ASIC2: variants seen among roughly 807,000 people sequenced by gnomAD.
The protein encoded by ASIC2 is acid-sensing ion channel 2.
ASIC2 carries 25 observed loss-of-function variants against 57.3 expected under a neutral mutation model. The observed-to-expected ratio is 0.44, with a 90% CI of 0.32 to 0.61. The LOEUF is 0.61. Ranked by LOEUF, ASIC2 falls within the 20% of genes least tolerant of loss-of-function variation. The probability of loss-of-function intolerance (pLI) is 0.06; values close to 1 mark genes in which losing one functional copy is unlikely to be tolerated. For missense variants in ASIC2, 641 were observed against 738.1 expected (o/e 0.87, Z 1.52); for synonymous variants, 319 against 307.5 (o/e 1.04, Z -0.39).
At chr17:33,347,195 C>T (rs1249051563) in intron 1 of ASIC2, among the ~76,000 whole-genome samples, 1 of 152,122 alleles carries the variant, frequency 6.6e-6, no homozygotes, top group Non-Finnish European at 1.5e-5. Context: ...AGTGGGGACA[C>T]TTCATTCATA....
At chr17:33,134,659 T>C (rs568653318) in intron 1 of ASIC2, among the ~76,000 whole-genome samples, 5 of 152,354 alleles carry the variant, frequency 3.3e-5, no homozygotes, top group Non-Finnish European at 5.9e-5. Context: ...ATGGTAAGCA[T>C]TGAAACGCAG....
intron 1 of ASIC2, among the ~76,000 whole-genome samples, chr17:33,394,067 C>A (rs574578792): frequency 6.6e-6 from 1 of 152,164 alleles, no homozygotes; most frequent in Non-Finnish European, 1.5e-5. Context: ...TTTAGCACAC[C>A]TCTGGCACAC....
chr17:33,871,369 G>T (rs949984499), intron 1 of ASIC2, among the ~76,000 whole-genome samples: 1 of 152,182 alleles, frequency 6.6e-6, no homozygotes, highest in Admixed American at 6.5e-5. Context: ...CTAACTACCT[G>T]CGGCAAGGCA....
At chr17:34,009,603 A>G (rs1197288894) in intron 1 of ASIC2, among the ~76,000 whole-genome samples, 1 of 152,248 alleles carries the variant, frequency 6.6e-6, no homozygotes, top group African/African-American at 2.4e-5. Context: ...TTTGAATCAC[A>G]TATGAGGCTC....
At chr17:33,143,864 A>T (rs1172300465) in intron 1 of ASIC2, among the ~76,000 whole-genome samples, 1 of 152,262 alleles carries the variant, frequency 6.6e-6, no homozygotes, top group African/African-American at 2.4e-5. Flanking sequence ...CTGAAGCATT[A>T]TCTACAATCT....
At position 34,082,559 on chromosome 17, in the gene ASIC2, C is replaced by A. The variant is rs1023398350; in HGVS notation, c.555+73419G>T. Among the ~76,000 whole-genome samples the A allele has an allele frequency of 2.6e-5, 4 of 152,298 alleles. No individual in the cohort carries two copies. The South Asian group carries it at 6.2e-4, about 24-fold the overall frequency. ...TGCCTTGGACTGATAAAAATACTACCAAAGGCCAGCTTCTGCAAAAATGCG... is the reference window on the plus strand; with the variant it reads ...TGCCTTGGACTGATAAAAATACTACAAAAGGCCAGCTTCTGCAAAAATGCG... On this transcript the variant is annotated intron_variant, in intron 1 of 9. Coordinates refer to the ASIC2 transcript ENST00000359872.
At chr17:33,808,235 C>CT (rs1567721648) in intron 1 of ASIC2, among the ~76,000 whole-genome samples, 1 of 152,184 alleles carries the variant, frequency 6.6e-6, no homozygotes, top group Non-Finnish European at 1.5e-5. Flanking sequence ...TGTCTACATT[C>CT]TTTTTTTGCA....
At chr17:34,110,627 G>A (rs1184214272) in intron 1 of ASIC2, among the ~76,000 whole-genome samples, 1 of 152,124 alleles carries the variant, frequency 6.6e-6, no homozygotes, top group East Asian at 1.9e-4. Flanking sequence ...TTAAGCCTTC[G>A]TATTAGATGA....
At chr17:33,557,663 T>C (rs904565368) in intron 1 of ASIC2, among the ~76,000 whole-genome samples, 1 of 152,212 alleles carries the variant, frequency 6.6e-6, no homozygotes, top group Admixed American at 6.5e-5. Flanking sequence ...AAGACATATT[T>C]CTGCAGGGTT....
At chr17:33,083,530 A>G (rs2092121897) in intron 3 of ASIC2, among the ~76,000 whole-genome samples, 1 of 152,214 alleles carries the variant, frequency 6.6e-6, no homozygotes, top group African/African-American at 2.4e-5. Context: ...GCAGCTAACT[A>G]TTCCTAGGAA....
At chr17:34,076,442 G>A (rs1226738783) in intron 1 of ASIC2, among the ~76,000 whole-genome samples, 1 of 151,984 alleles carries the variant, frequency 6.6e-6, no homozygotes, top group East Asian at 1.9e-4. Context: ...CTTTCTCCAA[G>A]CTCATATCAC....
chr17:33,198,256 G>A (rs1240955053), intron 1 of ASIC2, among the ~76,000 whole-genome samples: 2 of 152,228 alleles, frequency 1.3e-5, no homozygotes, highest in African/African-American at 2.4e-5. Flanking sequence ...GGGGACTGAG[G>A]TGGGAGGATC....
chr17:33,037,389 C>CTTT (rs35286664), intron 3 of ASIC2, among the ~76,000 whole-genome samples: 102 of 123,790 alleles, frequency 8.2e-4, no homozygotes, highest in African/African-American at 2.0e-3. Context: ...ACTTCCCCCT[C>CTTT]TTTTTTTTTT....
intron 1 of ASIC2, chr17:33,794,485 T>TG (rs1453497036): frequency 3.3e-5 from 5 of 152,256 alleles, no homozygotes; most frequent in African/African-American, 4.8e-5. Flanking sequence ...GGATGAATTG[T>TG]GGGTCAGGGG....
At chr17:34,066,363 A>G (rs953633724) in intron 1 of ASIC2, among the ~76,000 whole-genome samples, 6 of 152,132 alleles carry the variant, frequency 3.9e-5, no homozygotes, top group Admixed American at 1.3e-4. Context: ...AGTTCTTACA[A>G]AATGCTGCTG....
At chr17:33,908,039 G>A (rs1240280303) in intron 1 of ASIC2, among the ~76,000 whole-genome samples, 3 of 152,152 alleles carry the variant, frequency 2.0e-5, no homozygotes, top group Admixed American at 6.5e-5. Context: ...TGAGCACTTG[G>A]TTCTCACAGA....
chr17:33,959,010 A>C (rs942692585), intron 1 of ASIC2, among the ~76,000 whole-genome samples: 5 of 152,164 alleles, frequency 3.3e-5, no homozygotes, highest in Admixed American at 2.0e-4. Context: ...TGCAAAAAGC[A>C]TAACAAGAGT....
intron 1 of ASIC2, among the ~76,000 whole-genome samples, chr17:33,747,315 G>C (rs1042417821): frequency 7.0e-6 from 1 of 142,790 alleles, no homozygotes; most frequent in South Asian, 2.2e-4. Context: ...CTTTGACCTT[G>C]TGGGCTTACG....
chr17:33,042,513 C>T (rs761639976), intron 3 of ASIC2, among the ~76,000 whole-genome samples: 6 of 152,228 alleles, frequency 3.9e-5, no homozygotes, highest in Non-Finnish European at 7.3e-5. Flanking sequence ...TGAACCTTTA[C>T]TATGTGCCAG....
Sources: gnomAD v4.1 joint callset for allele counts (sites outside exome capture counted in the v4.1 genomes callset) on GRCh38, gnomAD v4.1.1 for gene constraint, MANE v1.5 for transcripts, NCBI Gene and HGNC (gene_info 2026-07-23, HGNC 2026-07-21) for gene names.